CMIP: variants seen among roughly 807,000 people sequenced by gnomAD.
CMIP encodes the protein c-Maf inducing protein.
In CMIP, 13 loss-of-function variants were observed where a neutral mutation model predicts 97.3. The observed-to-expected ratio is 0.13, with a 90% confidence interval of 0.09 to 0.21. The LOEUF is 0.21. CMIP is among the 10% of genes least tolerant of loss of function. The pLI, the probability that CMIP is intolerant of heterozygous loss-of-function variation, is 1.00. For synonymous variants in CMIP, 538 were observed against 436.3 expected (o/e 1.23, Z -2.91); for missense variants, 847 against 1,024.9 (o/e 0.83, Z 2.37).
At chr16:81,578,711 G>C (rs2150901713) in intron 1 of CMIP, among the ~76,000 whole-genome samples, 1 of 152,356 alleles carries the variant, frequency 6.6e-6, no homozygotes, top group South Asian at 2.1e-4. Context: ...CATCACAAAA[G>C]ACTGTGCATA....
intron 1 of CMIP, among the ~76,000 whole-genome samples, chr16:81,473,847 A>G (rs1310726866): frequency 1.4e-5 from 2 of 147,298 alleles, no homozygotes; most frequent in Non-Finnish European, 3.0e-5. Context: ...AGCTTCAGTA[A>G]GTTGTCTGCC....
intron 1 of CMIP, among the ~76,000 whole-genome samples, chr16:81,559,460 G>C (rs902070850): frequency 3.3e-5 from 5 of 152,202 alleles, no homozygotes; most frequent in African/African-American, 7.2e-5. Context: ...CCTAAGTTCA[G>C]GTAAGGACAG....
intron 7 of CMIP, among the ~76,000 whole-genome samples, chr16:81,669,463 C>G (rs2092656617): frequency 7.6e-6 from 1 of 131,522 alleles, no homozygotes; most frequent in Non-Finnish European, 1.6e-5. Context: ...ACATCCACCT[C>G]TCACCTTCCA....
chr16:81,473,876 C>A (rs1907718230), intron 1 of CMIP, among the ~76,000 whole-genome samples: 1 of 146,834 alleles, frequency 6.8e-6, no homozygotes, highest in Non-Finnish European at 1.5e-5. Context: ...TGGGAGCATT[C>A]CCCTAAAAAG....
intron 7 of CMIP, among the ~76,000 whole-genome samples, chr16:81,667,919 C>G (rs1027290756): frequency 6.6e-6 from 1 of 151,402 alleles, no homozygotes. Flanking sequence ...GCAGGACAGT[C>G]CTAGCAGGCA....
In CMIP at chr16:81,674,321, T is replaced by C. The variant is rs1597231788; in HGVS notation, c.1034+2251T>C. Reference sequence around the variant, plus strand: ...TGCCCTTTTGTATTTTTAGTAGAAATGGGGTTTCACCATGTTAGCCAGGAT... The same window carrying C: ...TGCCCTTTTGTATTTTTAGTAGAAACGGGGTTTCACCATGTTAGCCAGGAT... On this transcript the variant is annotated intron_variant, in intron 9 of 20. Transcript: ENST00000537098. 2.0e-5 allele frequency among the ~76,000 whole-genome samples: 3 copies of C among 152,192 alleles called. 1 individual carries two copies. Among genetic ancestry groups the C allele is most frequent in the South Asian group, 2.1e-4 (1 of 4,832 alleles).
chr16:81,545,054 A>G (rs1444882847), intron 1 of CMIP, among the ~76,000 whole-genome samples: 1 of 152,056 alleles, frequency 6.6e-6, no homozygotes, highest in South Asian at 2.1e-4. Context: ...CTGTTGCCCA[A>G]AAGAGCCCAT....
chr16:81,543,604 A>G (rs1397591700), intron 1 of CMIP, among the ~76,000 whole-genome samples: 1 of 152,152 alleles, frequency 6.6e-6, no homozygotes, highest in Admixed American at 6.5e-5. Flanking sequence ...GCTTTTATCT[A>G]TGACCATGGG....
intron 10 of CMIP, 52 bp downstream of exon 10, chr16:81,678,680 G>C (rs1904549546): frequency 1.2e-6 from 1 of 835,514 alleles, no homozygotes; most frequent in Non-Finnish European, 1.9e-6. Context: ...AGGAGACTGG[G>C]CTTTGCTGCT....
intron 1 of CMIP, among the ~76,000 whole-genome samples, chr16:81,571,587 CAAAAA>C (rs397854647): frequency 4.6e-5 from 4 of 87,486 alleles, no homozygotes; most frequent in African/African-American, 1.4e-4. Flanking sequence ...TCATCTCTAC[CAAAAA>C]AAAAAAAAAA....
At chr16:81,647,867 C>G (rs1006232143) in intron 3 of CMIP, among the ~76,000 whole-genome samples, 16 of 151,966 alleles carry the variant, frequency 1.1e-4, no homozygotes, top group African/African-American at 3.6e-4. Flanking sequence ...CTTCTGGGAA[C>G]AGGGGCCTGC....
In CMIP at chr16:81,660,868, G is replaced by C. The variant is rs1485703704; in HGVS notation, c.682-16G>C. 6.8e-6 allele frequency: 11 copies of C among 1,613,828 alleles called. No individual in the cohort carries two copies. Among genetic ancestry groups the C allele is most frequent in the Non-Finnish European group, 9.3e-6 (11 of 1,179,854 alleles). ...ATCTACCCCACGGTTCCTGATGCTT[G>C]TTTGTTGTGTTTCAGGCAATCGCTC... On this transcript the variant is annotated splice_polypyrimidine_tract_variant and intron_variant, in intron 5 of 20. Coordinates refer to ENST00000537098, the MANE Select transcript of CMIP (RefSeq NM_198390.3).
intron 18 of CMIP, 38 bp from the exon 19 acceptor site, chr16:81,705,461 G>T: frequency 6.9e-7 from 1 of 1,441,770 alleles, no homozygotes. Context: ...TTCCCCAGGA[G>T]TGGCCGGGAG....
At chr16:81,701,924 C>T in intron 16 of CMIP, 124 bp downstream of exon 16, 1 of 1,244,344 alleles carries the variant, frequency 8.0e-7, no homozygotes, top group South Asian at 1.3e-5. Flanking sequence ...CTCCTCCAAA[C>T]CCCAGAAATT....
chr16:81,537,546 C>CAAAAAAAAAAAAAA (rs397695977), intron 1 of CMIP, among the ~76,000 whole-genome samples: 12 of 82,070 alleles, frequency 1.5e-4, no homozygotes, highest in Non-Finnish European at 1.8e-4. Flanking sequence ...AAAAAAAAGA[C>CAAAAAAAAAAAAAA]AAAAAAAAAA....
At chr16:81,536,461 A>T (rs9936759) in intron 1 of CMIP, among the ~76,000 whole-genome samples, 2,878 of 152,280 alleles carry the variant, frequency 0.019, 93 homozygotes, top group African/African-American at 0.066. Context: ...TCATCTTTTT[A>T]AAAAAATGGT....
intron 1 of CMIP, 41 bp downstream of exon 1, chr16:81,445,582 G>C: frequency 6.6e-7 from 1 of 1,524,310 alleles, no homozygotes; most frequent in South Asian, 1.2e-5. Flanking sequence ...CTCTCCTCGG[G>C]GCCCGAGATG....
intron 1 of CMIP, among the ~76,000 whole-genome samples, chr16:81,567,073 T>C (rs2090995913): frequency 1.3e-5 from 2 of 152,224 alleles, no homozygotes. Context: ...GCCATCAGTA[T>C]GTATGAGCGA....
chr16:81,456,684 G>A (rs2150733948), intron 1 of CMIP, among the ~76,000 whole-genome samples: 1 of 152,336 alleles, frequency 6.6e-6, no homozygotes, highest in Non-Finnish European at 1.5e-5. Context: ...TGTGGAGCGA[G>A]GATTTGACCC....
Sources: allele counts gnomAD v4.1 joint callset (sites outside exome capture counted in the v4.1 genomes callset), GRCh38; gene constraint gnomAD v4.1.1; transcripts MANE v1.5; gene names NCBI Gene and HGNC (gene_info 2026-07-23, HGNC 2026-07-21).